Variants in GNL1 observed in about 807,000 individuals in gnomAD.
The protein encoded by GNL1 is G protein nucleolar 1, also known as guanine nucleotide-binding protein-like 1.
Under a neutral mutation model 75.2 loss-of-function variants are expected in GNL1, and 21 were observed. That is an observed-to-expected ratio of 0.28 (90% CI 0.20 to 0.40). The LOEUF is 0.40. Ranked by LOEUF, GNL1 falls within the 10% of genes least tolerant of loss-of-function variation. GNL1 has a pLI of 1.00. For synonymous variants in GNL1, 287 were observed against 303.4 expected (o/e 0.95, Z 0.56); for missense variants, 579 against 775.0 (o/e 0.75, Z 3.00).
rs1013456955 is a variant in GNL1, at chr6:30,555,245, A to C, written c.240-54T>G. 1 of 1,605,802 alleles carries C rather than the reference A, an allele frequency of 6.2e-7. No individual in the cohort carries two copies. Among genetic ancestry groups the C allele is most frequent in the Non-Finnish European group, 8.5e-7 (1 of 1,174,450 alleles). On this transcript the variant is annotated intron_variant, in intron 2 of 11. Coordinates refer to ENST00000376621, the MANE Select transcript of GNL1 (RefSeq NM_005275.5). This position sits in a 1 kb window ranked among gnomAD's most constrained non-coding sequence, Gnocchi z 4.3. ...AGCAATCCTGTGGCCACAAACTCCT[A>C]TTTTCTCCCCTCTTGTACAATCAAC...
At position 30,548,142 on chromosome 6, in the gene GNL1, C is replaced by T. The variant is rs549240683; in HGVS notation, c.1100-612G>A. Among the ~76,000 whole-genome samples the T allele has an allele frequency of 6.7e-4, 102 of 152,198 alleles. No homozygotes were observed. The highest frequency in any genetic ancestry group is 2.1e-3 in the Admixed American group (32 of 15,298). ...AGTGAGCTGAGATTGCACCATTGCA[C>T]TCCAGCCTGGGCAATAAGAGGGAAA... On this transcript the variant is annotated intron_variant, in intron 8 of 11. Transcript: ENST00000376621. This position sits in a 1 kb window ranked among gnomAD's most constrained non-coding sequence, Gnocchi z 4.2.
chr6:30,547,228 G>C lies in GNL1; in HGVS notation c.1325C>G (p.Thr442Ser), dbSNP rs778112056. 2 of 1,612,114 alleles carry C rather than the reference G, an allele frequency of 1.2e-6. No homozygotes were observed. Among genetic ancestry groups the C allele is most frequent in the Non-Finnish European group, 1.7e-6 (2 of 1,179,056 alleles). The change falls in exon 10 of 12, where the codon ACT becomes AGT. Residue 442 changes from threonine (T) to serine (S), a missense_variant. Transcript: ENST00000376621. The surrounding 1 kb of genome is among the most constrained non-coding windows in gnomAD (Gnocchi z 5.5). ...TCGGGAGGCCAGGTAGCCCACAGCA[G>C]TGTAGGGCTCCTGGATCTGGGCGAT... ...YPIAQIQEPY[T>S]AVGYLASRIP...
intron 8 of GNL1, among the ~76,000 whole-genome samples, chr6:30,549,676 C>T (rs1245771509): frequency 6.6e-6 from 1 of 152,134 alleles, no homozygotes; most frequent in Non-Finnish European, 1.5e-5. Context: ...CAAACACCTT[C>T]TTCATTTGAC....
intron 5 of GNL1, 45 bp downstream of exon 5, chr6:30,554,530 A>C (rs780912374): frequency 1.7e-6 from 2 of 1,157,838 alleles, no homozygotes; most frequent in East Asian, 4.7e-5. Context: ...GCCCCTGAAA[A>C]ACCTTTCTCC....
In GNL1 at chr6:30,546,353, G is replaced by A; in HGVS notation, c.1583-40C>T. 5 of 1,306,020 alleles carry A rather than the reference G, an allele frequency of 3.8e-6. No individual in the cohort carries two copies. The highest frequency in any genetic ancestry group is 1.2e-5 in the South Asian group (1 of 80,962). 80.9% of individuals were successfully genotyped at this position (1,306,020 alleles called of 1,614,324 possible). ...CAAGAAAAAAATGGAGGAGAGTTTT[G>A]AGCAAGAACTAAAGCCAAGGAAAGA... On this transcript the variant is annotated intron_variant, in intron 11 of 11. Transcript: ENST00000376621. The surrounding 1 kb of genome is among the most constrained non-coding windows in gnomAD (Gnocchi z 5.1).
At position 30,546,304 on chromosome 6, in the gene GNL1, T is replaced by G. The variant is rs1447981071; in HGVS notation, c.1592A>C (p.Glu531Ala). Reference protein sequence around the residue: ...PGYSEQKGTWESHPETTELVV... With the variant: ...PGYSEQKGTWASHPETTELVV... Reference sequence around the variant, plus strand: ...CAGCTCCGTGGTCTCTGGATGGGACTCCCAGGTGCCTGGGGAACCAAAACA... The same window carrying G: ...CAGCTCCGTGGTCTCTGGATGGGACGCCCAGGTGCCTGGGGAACCAAAACA... Residue 531 changes from glutamate to alanine, a missense_variant, in exon 12 of 12, where the codon GAG (glutamate) becomes GCG (alanine). By Grantham distance (107) the Glu-to-Ala change is moderately radical. Coordinates refer to ENST00000376621, the MANE Select transcript of GNL1 (RefSeq NM_005275.5). The surrounding 1 kb of genome is among the most constrained non-coding windows in gnomAD (Gnocchi z 5.1). 6.3e-7 allele frequency: 1 copy of G among 1,593,038 alleles called. No homozygotes were observed. The highest frequency in any genetic ancestry group is 1.4e-5 in the African/African-American group (1 of 73,832).
rs1193466404 is a variant in GNL1 at position 30,541,857 on chromosome 6, G to T, written c.*4215C>A. On this transcript the variant is annotated 3_prime_UTR_variant, in exon 12 of 12. Transcript: ENST00000376621. ...GTCAGCGCTGTTCCCTCCTGTGACA[G>T]AAGCCACCGGCGCCTGCCTGAGGGC... The T allele has an allele frequency of 6.6e-6, 1 of 152,206 alleles. No homozygotes were observed. Among genetic ancestry groups the T allele is most frequent in the Non-Finnish European group, 1.5e-5 (1 of 68,036 alleles). The allele number at this position is 152,206 out of a possible 1,614,324, so 9.4% of individuals were successfully genotyped here.
rs574990020 is a variant in GNL1, at chr6:30,555,641, C to T, written c.153G>A (p.Ser51=). ...RERREEQTDT[S]DGESVTHHIR... is the part of the protein sequence containing the mutation. ...TATGATGGGTCACAGACTCCCCGTC[C>T]GAGGTGTCGGTCTGTTCCTCTCGCC... is the stretch of plus-strand genomic sequence containing the variant. Residue 51 remains serine, a synonymous_variant, in exon 2 of 12, where the codon TCG becomes TCA. Coordinates refer to ENST00000376621, the MANE Select transcript of GNL1 (RefSeq NM_005275.5). The surrounding 1 kb of genome is among the most constrained non-coding windows in gnomAD (Gnocchi z 4.3). 3.7e-6 allele frequency: 6 copies of T among 1,613,968 alleles called. No individual in the cohort carries two copies. The highest frequency in any genetic ancestry group is 1.1e-5 in the South Asian group (1 of 91,094).
chr6:30,542,466 T>C lies in GNL1; in HGVS notation c.*3606A>G. On this transcript the variant is annotated 3_prime_UTR_variant, in exon 12 of 12. Transcript: ENST00000376621. This position sits in a 1 kb window ranked among gnomAD's most constrained non-coding sequence, Gnocchi z 4.5. The stretch of plus-strand genomic sequence containing the variant: ...CAAATCTCTGTCTCCAGCCACGACC[T>C]CTCTTTCCCCAAGCTCCATTTGCAT... 6.6e-6 allele frequency: 1 copy of C among 152,458 alleles called. No homozygotes were observed. The highest frequency in any genetic ancestry group is 1.5e-5 in the Non-Finnish European group (1 of 68,098). The allele number at this position is 152,458 out of a possible 1,614,324, so 9.4% of individuals were successfully genotyped here.
rs765778557 is a variant in GNL1, at chr6:30,547,345, G to A, written c.1278+7C>T. The stretch of plus-strand genomic sequence containing the variant: ...TCTCTTTCCCTTACCCACCCTCCCC[G>A]TCATACCTGCAACTGCCTAGGCAGA... On this transcript the variant is annotated splice_region_variant and intron_variant, in intron 9 of 11. Coordinates refer to ENST00000376621, the MANE Select transcript of GNL1 (RefSeq NM_005275.5). This position sits in a 1 kb window ranked among gnomAD's most constrained non-coding sequence, Gnocchi z 5.5. The A allele has an allele frequency of 2.6e-5, 42 of 1,595,936 alleles. No homozygotes were observed. Among genetic ancestry groups the A allele is most frequent in the Admixed American group, 1.8e-4 (10 of 57,056 alleles).
chr6:30,541,665 G>T lies in GNL1; in HGVS notation c.*4407C>A, dbSNP rs531142866. The T allele has an allele frequency of 5.2e-5, 8 of 152,384 alleles. No homozygotes were observed. In the South Asian group the frequency reaches 1.7e-3, roughly 32 times the overall value. 9.4% of individuals were successfully genotyped at this position (152,384 alleles called of 1,614,324 possible). ...CTGCAAAGCTTCTCAAATGCAGCGG[G>T]AAGTCCATTTACCAACGGCTGTTGC... On this transcript the variant is annotated 3_prime_UTR_variant, in exon 12 of 12. Coordinates refer to ENST00000376621, the MANE Select transcript of GNL1 (RefSeq NM_005275.5).
rs112370484 is a variant in GNL1, at chr6:30,549,608, T to C, written c.1100-2078A>G. ...TTGCCAAGCCTGCTGAGCAGCTCTC[T>C]GTTCTCTCATTTGGCCTGTCAGCAA... On this transcript the variant is annotated intron_variant, in intron 8 of 11. Coordinates refer to ENST00000376621, the MANE Select transcript of GNL1 (RefSeq NM_005275.5). 6.6e-3 allele frequency among the ~76,000 whole-genome samples: 1,000 copies of C among 152,286 alleles called. 12 individuals are homozygous for C. Among genetic ancestry groups the C allele is most frequent in the African/African-American group, 0.022 (923 of 41,562 alleles).
In GNL1 at chr6:30,556,374, C is replaced by T. The variant is rs1025907937; in HGVS notation, c.-171G>A. The T allele has an allele frequency of 1.3e-4, 87 of 682,162 alleles. 2 individuals are homozygous for T. The South Asian group carries it at 1.5e-3, about 12-fold the overall frequency. 42.3% of individuals were successfully genotyped at this position (682,162 alleles called of 1,614,324 possible). A position where few individuals can be genotyped will look rare whatever the true frequency, so the allele number is the denominator to read the frequency against. ...TTACCGCCGCGGCGGCGATGGAAGG[C>T]GGACGGGGGAGATATAGTCACTTCC... On this transcript the variant is annotated 5_prime_UTR_variant, in exon 1 of 12. Transcript: ENST00000376621. This position sits in a 1 kb window ranked among gnomAD's most constrained non-coding sequence, Gnocchi z 5.7.
Position 30,546,042 on chromosome 6 carries a change from TG to T in GNL1, c.*29del. 1 of 1,542,770 alleles carries T rather than the reference TG, an allele frequency of 6.5e-7. No individual in the cohort carries two copies. The highest frequency in any genetic ancestry group is 8.9e-7 in the Non-Finnish European group (1 of 1,126,248). On this transcript the variant is annotated 3_prime_UTR_variant, in exon 12 of 12. Transcript: ENST00000376621. The surrounding 1 kb of genome is among the most constrained non-coding windows in gnomAD (Gnocchi z 5.1). ...CAGGTCAGTCCAAAAGCAAAGATAC[TG>T]GGAGGGAAGATGGCGCTGGGCGAGG... is the stretch of plus-strand genomic sequence containing the variant.
At position 30,548,929 on chromosome 6, in the gene GNL1, A is replaced by C. The variant is rs567673714; in HGVS notation, c.1100-1399T>G. On this transcript the variant is annotated intron_variant, in intron 8 of 11. Coordinates refer to ENST00000376621, the MANE Select transcript of GNL1 (RefSeq NM_005275.5). The surrounding 1 kb of genome is among the most constrained non-coding windows in gnomAD (Gnocchi z 4.2). ...TACAACATACAAAAAAATGCACAGAACATACATGTGCAGCCTGATGAACCC... is the reference window on the plus strand; with the variant it reads ...TACAACATACAAAAAAATGCACAGACCATACATGTGCAGCCTGATGAACCC... Among the ~76,000 whole-genome samples, 1 of 152,300 alleles carries C rather than the reference A, an allele frequency of 6.6e-6. No homozygotes were observed. The highest frequency in any genetic ancestry group is 2.4e-5 in the African/African-American group (1 of 41,548).
At chr6:30,551,382 C>T (rs1189392479) in intron 8 of GNL1, among the ~76,000 whole-genome samples, 2 of 152,166 alleles carry the variant, frequency 1.3e-5, no homozygotes, top group Non-Finnish European at 2.9e-5. Flanking sequence ...ACAAAAAGGA[C>T]ACAGAGATAA....
At position 30,542,158 on chromosome 6, in the gene GNL1, C is replaced by CT. The variant is rs1799205450; in HGVS notation, c.*3913dup. 1 of 152,344 alleles carries CT rather than the reference C, an allele frequency of 6.6e-6. No homozygotes were observed. Among genetic ancestry groups the CT allele is most frequent in the Admixed American group, 6.6e-5 (1 of 15,264 alleles). 9.4% of individuals were successfully genotyped at this position (152,344 alleles called of 1,614,324 possible). On this transcript the variant is annotated 3_prime_UTR_variant, in exon 12 of 12. Coordinates refer to ENST00000376621, the MANE Select transcript of GNL1 (RefSeq NM_005275.5). This position sits in a 1 kb window ranked among gnomAD's most constrained non-coding sequence, Gnocchi z 4.5. ...TTCCTCCAAATTATTCCTTAACCCT[C>CT]TGACATCTGGGGCTTCTGATTCCAC...
Position 30,543,120 on chromosome 6 carries a change from C to A in GNL1, c.*2952G>T, listed in dbSNP as rs560729079. On this transcript the variant is annotated 3_prime_UTR_variant, in exon 12 of 12. Coordinates refer to ENST00000376621, the MANE Select transcript of GNL1 (RefSeq NM_005275.5). ...CCTCTAGGACGCTTCCCCTGATTCA[C>A]CAAGACCAGCTTAACTGCCCCTACT... is the stretch of plus-strand genomic sequence containing the variant. 6.6e-6 allele frequency: 1 copy of A among 152,456 alleles called. No individual in the cohort carries two copies. The highest frequency in any genetic ancestry group is 6.5e-5 in the Admixed American group (1 of 15,310). The allele number at this position is 152,456 out of a possible 1,614,324, so 9.4% of individuals were successfully genotyped here.
Position 30,555,680 on chromosome 6 carries a change from G to T in GNL1, c.114C>A (p.Ser38Arg). Residue 38 changes from serine (S) to arginine (R), a missense_variant, in exon 2 of 12, where the codon AGC (serine) becomes AGA (arginine). Coordinates refer to ENST00000376621, the MANE Select transcript of GNL1 (RefSeq NM_005275.5). This position sits in a 1 kb window ranked among gnomAD's most constrained non-coding sequence, Gnocchi z 4.3. The stretch of plus-strand genomic sequence containing the variant: ...GTTCCTCTCGCCGCTCCCGGCTCCC[G>T]CTGCGGCTGTTGGAACTGGAGCGCA... ...DGLRSSSNSR[S>R]GSRERREEQT... The T allele has an allele frequency of 1.2e-6, 2 of 1,613,618 alleles. No individual in the cohort carries two copies. The highest frequency in any genetic ancestry group is 1.7e-6 in the Non-Finnish European group (2 of 1,179,964).
Sources: allele counts gnomAD v4.1 joint callset (sites outside exome capture counted in the v4.1 genomes callset), GRCh38; gene constraint gnomAD v4.1.1; non-coding constraint Gnocchi (gnomAD v3.1); transcripts MANE v1.5; gene names NCBI Gene and HGNC (gene_info 2026-07-23, HGNC 2026-07-21).